The following CCDC7 variants were observed in gnomAD, a reference collection of about 807,000 sequenced individuals.
CCDC7 encodes the protein coiled-coil domain-containing protein 7.
Under a neutral mutation model 196.9 loss-of-function variants are expected in CCDC7, and 183 were observed. The ratio of observed to expected loss-of-function variants is 0.93; its 90% CI spans 0.82 to 1.05. CCDC7 has a LOEUF of 1.05. Among genes scored for constraint, CCDC7 ranks in the 50% least tolerant of loss-of-function variants. The probability of loss-of-function intolerance (pLI) is 0.00; values close to 1 mark genes in which losing one functional copy is unlikely to be tolerated. For missense variants in CCDC7, 1,540 were observed against 1,482.2 expected (o/e 1.04, Z -0.64); for synonymous variants, 525 against 484.6 (o/e 1.08, Z -1.10).
At chr10:32,700,749 T>A (rs1417721399) in intron 24 of CCDC7, among the ~76,000 whole-genome samples, 3 of 152,208 alleles carry the variant, frequency 2.0e-5, no homozygotes, top group East Asian at 1.9e-4. Context: ...GGTTTGTAGT[T>A]CTCCTTGAAG....
chr10:32,834,840 T>C (rs1384844365), exon 33 of CCDC7: 3 of 1,458,908 alleles, frequency 2.1e-6, no homozygotes, highest in African/African-American at 2.7e-5. Context: ...ACTTGAAAGG[T>C]GTTAATGGAA....
chr10:32,678,292 C>A (rs59794724), intron 21 of CCDC7, among the ~76,000 whole-genome samples: 8,073 of 152,102 alleles, frequency 0.053, 713 homozygotes, highest in African/African-American at 0.18. Context: ...CAGAGCATCC[C>A]GTGGGGTTGT....
chr10:32,750,766 T>A (rs1244759663), intron 28 of CCDC7, among the ~76,000 whole-genome samples: 3 of 152,184 alleles, frequency 2.0e-5, no homozygotes, highest in Non-Finnish European at 4.4e-5. Flanking sequence ...AGATGTCTTC[T>A]CAGTTTACTT....
At chr10:32,603,522 TATA>T (rs2061279135) in intron 18 of CCDC7, among the ~76,000 whole-genome samples, 1 of 149,336 alleles carries the variant, frequency 6.7e-6, no homozygotes, top group Admixed American at 6.9e-5. Flanking sequence ...GAGAAACCTC[TATA>T]ATGTTTTTTT....
rs889173896 is a variant in CCDC7, at chr10:32,603,586, T to TG, written c.1801+19282_1801+19283insG. On this transcript the variant is annotated intron_variant, in intron 18 of 41. Coordinates refer to ENST00000639629, the Ensembl canonical transcript of CCDC7. ...TCCCACCAGCCATGTGTGATAGTTC[T>TG]TTTTTTTTTTTTACATCTTTGACAG... is the stretch of plus-strand genomic sequence containing the variant. 0.014 allele frequency among the ~76,000 whole-genome samples: 72 copies of TG among 4,998 alleles called. No homozygotes were observed. In the South Asian group the frequency reaches 0.18, roughly 12 times the overall value. The allele number at this position is 4,998 out of a possible 152,430, so 3.3% of individuals were successfully genotyped here. A position where few individuals can be genotyped will look rare whatever the true frequency, so the allele number is the denominator to read the frequency against.
At chr10:32,824,094 T>C (rs1397682585) in intron 31 of CCDC7, among the ~76,000 whole-genome samples, 2 of 152,098 alleles carry the variant, frequency 1.3e-5, no homozygotes, top group Non-Finnish European at 2.9e-5. Context: ...TGAAAAAAAA[T>C]TGATGTTCCA....
At chr10:32,843,630 T>A (rs2093114016) in intron 33 of CCDC7, among the ~76,000 whole-genome samples, 1 of 152,054 alleles carries the variant, frequency 6.6e-6, no homozygotes, top group Non-Finnish European at 1.5e-5. Context: ...TGTAAATTAC[T>A]TTAGCACATA....
intron 13 of CCDC7, among the ~76,000 whole-genome samples, chr10:32,548,659 G>A (rs1170181440): frequency 2.0e-5 from 3 of 152,156 alleles, no homozygotes; most frequent in African/African-American, 4.8e-5. Flanking sequence ...GAGAACATCC[G>A]ATGTTTGGTT....
At chr10:32,622,661 T>A (rs1307745175) in intron 18 of CCDC7, among the ~76,000 whole-genome samples, 1 of 152,046 alleles carries the variant, frequency 6.6e-6, no homozygotes, top group African/African-American at 2.4e-5. Context: ...TGCAGGATGT[T>A]TAACAGCATG....
intron 21 of CCDC7, among the ~76,000 whole-genome samples, chr10:32,664,430 G>A (rs1471905601): frequency 6.6e-6 from 1 of 151,980 alleles, no homozygotes; most frequent in East Asian, 1.9e-4. Flanking sequence ...CTCATGAAGT[G>A]CAGTAGATCT....
chr10:32,653,887 A>T (rs1229331482), intron 20 of CCDC7, among the ~76,000 whole-genome samples: 3 of 152,148 alleles, frequency 2.0e-5, no homozygotes, highest in Admixed American at 6.5e-5. Context: ...GGAACTTTTC[A>T]TTCACTATTT....
chr10:32,672,940 T>C (rs1169252435), intron 21 of CCDC7, among the ~76,000 whole-genome samples: 1 of 152,188 alleles, frequency 6.6e-6, no homozygotes, highest in African/African-American at 2.4e-5. Context: ...TCCTACCTTA[T>C]TTATTTTTTA....
intron 21 of CCDC7, among the ~76,000 whole-genome samples, chr10:32,684,494 T>C (rs2076240718): frequency 6.6e-6 from 1 of 152,224 alleles, no homozygotes; most frequent in Non-Finnish European, 1.5e-5. Flanking sequence ...CTTCCCTGGC[T>C]CTGTGCCAAT....
chr10:32,827,706 A>C (rs1160621534), intron 32 of CCDC7, among the ~76,000 whole-genome samples: 3 of 152,138 alleles, frequency 2.0e-5, no homozygotes, highest in Non-Finnish European at 4.4e-5. Context: ...TGACGAGTTA[A>C]TGGGTGCAGC....
At chr10:32,535,133 G>A (rs73253403) in intron 11 of CCDC7, among the ~76,000 whole-genome samples, 8,032 of 150,838 alleles carry the variant, frequency 0.053, 702 homozygotes, top group African/African-American at 0.18. Flanking sequence ...GAAAAACTCC[G>A]GGCAGATGGT....
intron 20 of CCDC7, among the ~76,000 whole-genome samples, chr10:32,650,547 G>A (rs1322084895): frequency 6.6e-6 from 1 of 152,180 alleles, no homozygotes; most frequent in African/African-American, 2.4e-5. Flanking sequence ...TTAGGGAGAG[G>A]TCTGATGGGG....
chr10:32,517,344 GA>G (rs1159340544), intron 9 of CCDC7, among the ~76,000 whole-genome samples: 6 of 151,990 alleles, frequency 3.9e-5, no homozygotes, highest in Non-Finnish European at 8.8e-5. Flanking sequence ...TCATTTATGT[GA>G]AAAAGAAAAC....
intron 28 of CCDC7, among the ~76,000 whole-genome samples, chr10:32,769,744 C>T (rs1319761043): frequency 6.6e-6 from 1 of 151,428 alleles, no homozygotes; most frequent in Non-Finnish European, 1.5e-5. Flanking sequence ...TGGTTTTCTG[C>T]TCCTGTGTTA....
intron 9 of CCDC7, among the ~76,000 whole-genome samples, chr10:32,507,985 C>T (rs1205054433): frequency 1.3e-5 from 2 of 152,116 alleles, no homozygotes; most frequent in Non-Finnish European, 2.9e-5. Flanking sequence ...CTACTCTTAC[C>T]AATTCTATTC....
Sources: allele counts gnomAD v4.1 joint callset (sites outside exome capture counted in the v4.1 genomes callset), GRCh38; gene constraint gnomAD v4.1.1; transcripts MANE v1.5; gene names NCBI Gene and HGNC (gene_info 2026-07-23, HGNC 2026-07-21).